The following TMEM183A variants were observed in gnomAD, a reference collection of about 807,000 sequenced individuals.
TMEM183A encodes the protein chromosome 1 open reading frame 37.
TMEM183A carries 21 observed loss-of-function variants against 46.7 expected under a neutral mutation model. That is an observed-to-expected ratio of 0.45 (90% CI 0.32 to 0.65). The LOEUF (loss-of-function observed/expected upper bound fraction) is 0.65. Ranked by LOEUF, TMEM183A falls within the 30% of genes least tolerant of loss-of-function variation. TMEM183A has a pLI of 0.04. For synonymous variants in TMEM183A, 165 were observed against 180.2 expected, an observed-to-expected ratio of 0.92 and a Z score of 0.68; for missense variants, 331 against 481.9, an observed-to-expected ratio of 0.69 and a Z score of 2.93.
intron 7 of TMEM183A, among the ~76,000 whole-genome samples, chr1:203,021,846 C>T (rs1571626251): frequency 1.3e-5 from 2 of 152,184 alleles, no homozygotes; most frequent in East Asian, 3.8e-4. Context: ...TTCAGAAATA[C>T]ATGAGGTTCC....
chr1:203,015,509 A>G, intron 4 of TMEM183A: 2 of 205,550 alleles, frequency 9.7e-6, no homozygotes, highest in Non-Finnish European at 2.0e-5. Flanking sequence ...TATGATTAGT[A>G]AAAGGGCTAG....
Position 203,018,443 on chromosome 1 carries a change from TC to T in TMEM183A, c.709-37del, listed in dbSNP as rs199948061. 2,153 of 1,577,694 alleles carry T rather than the reference TC, an allele frequency of 1.4e-3. 21 individuals are homozygous for T. The African/African-American group carries it at 0.025, about 18-fold the overall frequency. On this transcript the variant is annotated intron_variant, in intron 5 of 7. Transcript: ENST00000367242. ...TAGTGTATTTTGATTTTTTTCTTTTTCTTTTTCTTGGTTTATTTTATTTTTA... is the reference window on the plus strand; with the variant it reads ...TAGTGTATTTTGATTTTTTTCTTTTTTTTTTCTTGGTTTATTTTATTTTTA...
chr1:203,021,196 C>A (rs145200828), intron 7 of TMEM183A, among the ~76,000 whole-genome samples: 1 of 152,102 alleles, frequency 6.6e-6, no homozygotes, highest in Non-Finnish European at 1.5e-5. Flanking sequence ...CCACCCCTAG[C>A]TAATTTTTAT....
At chr1:203,012,477 C>A (rs1000647857) in intron 3 of TMEM183A, among the ~76,000 whole-genome samples, 1 of 152,198 alleles carries the variant, frequency 6.6e-6, no homozygotes. Flanking sequence ...TTAGCACTTA[C>A]TTGACATGCT....
intron 5 of TMEM183A, chr1:203,018,068 G>A: frequency 2.0e-6 from 1 of 489,982 alleles, no homozygotes; most frequent in Non-Finnish European, 2.7e-6. Flanking sequence ...TATAGGGCCA[G>A]CCCTCTCTGC....
rs917785692 is a variant in TMEM183A at position 203,013,318 on chromosome 1, T to C, written c.368-1571T>C. Among the ~76,000 whole-genome samples, 3 of 152,168 alleles carry C rather than the reference T, an allele frequency of 2.0e-5. No homozygotes were observed. Among genetic ancestry groups the C allele is most frequent in the Non-Finnish European group, 4.4e-5 (3 of 68,028 alleles). Reference sequence around the variant, plus strand: ...TTTCCCCAGGAAGGAAGAAAGCTGGTCATTTTAGGATAGTTCTATGACTAG... The same window carrying C: ...TTTCCCCAGGAAGGAAGAAAGCTGGCCATTTTAGGATAGTTCTATGACTAG... On this transcript the variant is annotated intron_variant, in intron 3 of 7. Coordinates refer to ENST00000367242, the MANE Select transcript of TMEM183A (RefSeq NM_138391.6). This position sits in a 1 kb window ranked among gnomAD's most constrained non-coding sequence, Gnocchi z 4.0.
intron 6 of TMEM183A, 150 bp from the exon 7 acceptor site, chr1:203,020,643 C>G: frequency 1.0e-6 from 1 of 979,192 alleles, no homozygotes; most frequent in East Asian, 2.8e-5. Flanking sequence ...GGTAGGTTTT[C>G]TTTGATCTCT....
At chr1:203,021,692 ATAT>A (rs1483559905) in intron 7 of TMEM183A, among the ~76,000 whole-genome samples, 22 of 152,230 alleles carry the variant, frequency 1.4e-4, no homozygotes, top group African/African-American at 5.3e-4. Context: ...CCTTTGTGTG[ATAT>A]TATCACTGTT....
At position 203,024,308 on chromosome 1, in the gene TMEM183A, C is replaced by CA. The variant is rs1376554984; in HGVS notation, c.*1269dup. 8 of 152,306 alleles carry CA rather than the reference C, an allele frequency of 5.3e-5. No individual in the cohort carries two copies. Among genetic ancestry groups the CA allele is most frequent in the Non-Finnish European group, 1.2e-4 (8 of 68,032 alleles). The allele number at this position is 152,306 out of a possible 1,614,324, so 9.4% of individuals were successfully genotyped here. A position where few individuals can be genotyped will look rare whatever the true frequency, so the allele number is the denominator to read the frequency against. ...TTCAGGTGTACTCTGAGAAGAGAAT[C>CA]ACGTTTTTCTGTTTTGCTAAGGAGA... On this transcript the variant is annotated 3_prime_UTR_variant, in exon 8 of 8. Coordinates refer to ENST00000367242, the MANE Select transcript of TMEM183A (RefSeq NM_138391.6).
At chr1:203,008,578 G>T (rs1656226524) in intron 2 of TMEM183A, 65 bp from the exon 3 acceptor site, 3 of 1,335,640 alleles carry the variant, frequency 2.2e-6, no homozygotes. Context: ...TGATACCTTG[G>T]CTAAGTTGTT....
intron 3 of TMEM183A, among the ~76,000 whole-genome samples, chr1:203,009,384 A>G (rs1656327229): frequency 6.6e-6 from 1 of 152,236 alleles, no homozygotes; most frequent in African/African-American, 2.4e-5. Context: ...AAAGAATAAT[A>G]AACTGATGAT....
At position 203,013,334 on chromosome 1, in the gene TMEM183A, C is replaced by T. The variant is rs1405325403; in HGVS notation, c.368-1555C>T. On this transcript the variant is annotated intron_variant, in intron 3 of 7. Transcript: ENST00000367242. This position sits in a 1 kb window ranked among gnomAD's most constrained non-coding sequence, Gnocchi z 4.0. The stretch of plus-strand genomic sequence containing the variant: ...GAAAGCTGGTCATTTTAGGATAGTT[C>T]TATGACTAGGTTTGAAATAAGGGTT... Among the ~76,000 whole-genome samples the T allele has an allele frequency of 1.3e-5, 2 of 152,072 alleles. No individual in the cohort carries two copies. Among genetic ancestry groups the T allele is most frequent in the East Asian group, 1.9e-4 (1 of 5,196 alleles).
intron 6 of TMEM183A, among the ~76,000 whole-genome samples, chr1:203,019,656 C>G (rs1280285604): frequency 6.6e-6 from 1 of 152,072 alleles, no homozygotes; most frequent in Non-Finnish European, 1.5e-5. Flanking sequence ...AAAAAGCTTT[C>G]ATTGTGGAAG....
Position 203,020,923 on chromosome 1 carries a change from T to C in TMEM183A, c.920T>C (p.Ile307Thr), listed in dbSNP as rs1382532824. 2 of 1,612,404 alleles carry C rather than the reference T, an allele frequency of 1.2e-6. No individual in the cohort carries two copies. Among genetic ancestry groups the C allele is most frequent in the Non-Finnish European group, 1.7e-6 (2 of 1,179,588 alleles). The change falls in exon 7 of 8, where the codon ATT becomes ACT. Residue 307 changes from isoleucine (I) to threonine (T), a missense_variant. Ile to Thr is a moderately conservative substitution (Grantham distance 89). This residue lies in a region of TMEM183A where 233 missense variants were observed against 385.8 expected (regional missense o/e 0.60). Transcript: ENST00000367242. ...ACCCTCAATTTCATCTTTATTCCGA[T>C]TGTCATGGGAATGATATTTACTCTG... ...VTTLNFIFIP[I>T]VMGMIFTLFT...
chr1:203,016,109 A>C lies in TMEM183A; in HGVS notation c.677A>C (p.Glu226Ala). 1 of 1,614,230 alleles carries C rather than the reference A, an allele frequency of 6.2e-7. No homozygotes were observed. The highest frequency in any genetic ancestry group is 8.5e-7 in the Non-Finnish European group (1 of 1,180,038). ...ATCTCCAAGAATCCAGCCATTCCAG[A>C]AAGCACCCCCAGCACATTAAAGAAT... ...ARISKNPAIP[E>A]STPSTLKNSK... Residue 226 changes from glutamate (E) to alanine (A), a missense_variant, in exon 5 of 8, where the codon GAA becomes GCA. Around this residue, in one of 2 missense-constraint regions of TMEM183A, gnomAD observed 233 missense variants for 385.8 expected, o/e 0.60. Transcript: ENST00000367242.
chr1:203,020,231 T>G (rs1237755000), intron 6 of TMEM183A, among the ~76,000 whole-genome samples: 1 of 152,064 alleles, frequency 6.6e-6, no homozygotes, highest in Admixed American at 6.5e-5. Context: ...TTTAATAAGA[T>G]CTGCACAGTC....
At position 203,013,912 on chromosome 1, in the gene TMEM183A, G is replaced by A. The variant is rs902262417; in HGVS notation, c.368-977G>A. ...CTGGATTACAGGCACGTGCCACCAC[G>A]CCCAGCTAATTTTTGTATTTTTAGT... On this transcript the variant is annotated intron_variant, in intron 3 of 7. Transcript: ENST00000367242. The surrounding 1 kb of genome is among the most constrained non-coding windows in gnomAD (Gnocchi z 4.0). Among the ~76,000 whole-genome samples, 3 of 151,882 alleles carry A rather than the reference G, an allele frequency of 2.0e-5. No individual in the cohort carries two copies. The highest frequency in any genetic ancestry group is 2.1e-4 in the South Asian group (1 of 4,818).
chr1:203,020,763 G>A (rs1271662099), intron 6 of TMEM183A, 30 bp from the exon 7 acceptor site: 1 of 1,613,198 alleles, frequency 6.2e-7, no homozygotes, highest in Admixed American at 1.7e-5. Flanking sequence ...TTTCTTCTAA[G>A]CCATTGGATT....
chr1:203,018,996 G>A (rs539429673), intron 6 of TMEM183A, among the ~76,000 whole-genome samples: 1 of 152,288 alleles, frequency 6.6e-6, no homozygotes, highest in East Asian at 1.9e-4. Flanking sequence ...CATGAATTTT[G>A]GAGGAGACAC....
Sources: allele counts gnomAD v4.1 joint callset (sites outside exome capture counted in the v4.1 genomes callset), GRCh38; gene constraint gnomAD v4.1.1; regional missense constraint gnomAD v4.1.1; non-coding constraint Gnocchi (gnomAD v3.1); transcripts MANE v1.5; gene names NCBI Gene and HGNC (gene_info 2026-07-23, HGNC 2026-07-21).